The following KSR2 variants were observed in gnomAD, a reference collection of about 807,000 sequenced individuals.
KSR2 encodes kinase suppressor of ras 2.
KSR2 carries 25 observed loss-of-function variants against 107.8 expected under a neutral mutation model. The ratio of observed to expected loss-of-function variants is 0.23; its 90% CI spans 0.17 to 0.32. The LOEUF (loss-of-function observed/expected upper bound fraction) is 0.32, where lower values mean the gene tolerates loss of function less well. Ranked by LOEUF, KSR2 falls within the 10% of genes least tolerant of loss-of-function variation. KSR2 has a pLI of 1.00. For missense variants in KSR2, 887 were observed against 1,268.9 expected (o/e 0.70, Z 4.57); for synonymous variants, 480 against 507.0 (o/e 0.95, Z 0.71).
intron 5 of KSR2, among the ~76,000 whole-genome samples, chr12:117,584,270 G>A (rs1879861848): frequency 6.6e-6 from 1 of 151,838 alleles, no homozygotes; most frequent in Non-Finnish European, 1.5e-5. Context: ...GAAAAGACAA[G>A]AGAAAAAAAA....
rs1555262350 is a variant in KSR2, at chr12:117,968,309, G to GGGC, written c.-55_-54insGCC. On this transcript the variant is annotated 5_prime_UTR_variant, in exon 1 of 20. Transcript: ENST00000339824. ...TCCTCCTCCCAGAGAGAAAAAAGAGGGGGGGGAGTAGAGGTAGTCTACCCT... is the reference window on the plus strand; with the variant it reads ...TCCTCCTCCCAGAGAGAAAAAAGAGGGGCGGGGGGAGTAGAGGTAGTCTACCCT... 1.4e-6 allele frequency: 2 copies of GGGC among 1,456,090 alleles called. No individual in the cohort carries two copies. Among genetic ancestry groups the GGGC allele is most frequent in the Non-Finnish European group, 1.8e-6 (2 of 1,111,476 alleles). The allele number at this position is 1,456,090 out of a possible 1,614,324, so 90.2% of individuals were successfully genotyped here.
intron 5 of KSR2, among the ~76,000 whole-genome samples, chr12:117,631,545 C>T (rs1438900725): frequency 1.3e-5 from 2 of 152,090 alleles, no homozygotes; most frequent in East Asian, 3.8e-4. Flanking sequence ...ACAATCTTGA[C>T]TTTTATCTAC....
chr12:117,748,648 A>C (rs1022573537), intron 4 of KSR2, among the ~76,000 whole-genome samples: 6 of 152,206 alleles, frequency 3.9e-5, no homozygotes, highest in African/African-American at 1.4e-4. Context: ...AGCCTTCCAT[A>C]AGTGACAGCT....
intron 9 of KSR2, among the ~76,000 whole-genome samples, chr12:117,543,893 T>C (rs185601455): frequency 6.6e-6 from 1 of 152,352 alleles, no homozygotes; most frequent in Non-Finnish European, 1.5e-5. Flanking sequence ...TTGTCATTAC[T>C]TAGATTGCAG....
At chr12:117,803,002 A>G (rs1890886818) in intron 3 of KSR2, among the ~76,000 whole-genome samples, 1 of 152,250 alleles carries the variant, frequency 6.6e-6, no homozygotes, top group Non-Finnish European at 1.5e-5. Flanking sequence ...TTGCCCATGC[A>G]TTGTCATTAC....
chr12:117,739,602 A>G (rs898117224), intron 4 of KSR2, among the ~76,000 whole-genome samples: 2 of 152,206 alleles, frequency 1.3e-5, no homozygotes, highest in Non-Finnish European at 2.9e-5. Context: ...CACTAGCAAC[A>G]TTCATTCATT....
At chr12:117,750,124 C>A (rs1888560743) in intron 4 of KSR2, among the ~76,000 whole-genome samples, 1 of 152,030 alleles carries the variant, frequency 6.6e-6, no homozygotes, top group Admixed American at 6.5e-5. Context: ...GTGGCATGCA[C>A]CTGTAATCTC....
chr12:117,828,394 C>T (rs568356775), intron 3 of KSR2, among the ~76,000 whole-genome samples: 6 of 152,336 alleles, frequency 3.9e-5, no homozygotes, highest in South Asian at 4.1e-4. Context: ...TCCTTTGCAA[C>T]GTGCTATCCT....
At chr12:117,853,170 G>A (rs1251041667) in intron 3 of KSR2, among the ~76,000 whole-genome samples, 3 of 152,102 alleles carry the variant, frequency 2.0e-5, no homozygotes, top group African/African-American at 4.8e-5. Flanking sequence ...TAGCCACGGG[G>A]GTCCCCAAAG....
intron 5 of KSR2, among the ~76,000 whole-genome samples, chr12:117,637,360 C>T (rs1489880643): frequency 6.6e-6 from 1 of 151,178 alleles, no homozygotes; most frequent in Non-Finnish European, 1.5e-5. Flanking sequence ...GGGAAGAGTG[C>T]TACCAGCCTG....
At chr12:117,812,657 T>C (rs1408719289) in intron 3 of KSR2, among the ~76,000 whole-genome samples, 3 of 151,844 alleles carry the variant, frequency 2.0e-5, no homozygotes, top group East Asian at 3.9e-4. Context: ...GAAGAAGACA[T>C]GAGAAAAATG....
intron 1 of KSR2, among the ~76,000 whole-genome samples, chr12:117,890,201 T>C (rs78677094): frequency 0.012 from 1,772 of 152,352 alleles, 31 homozygotes; most frequent in African/African-American, 0.039. Context: ...CTGTTCTTCC[T>C]ATCTTATGTC....
intron 4 of KSR2, among the ~76,000 whole-genome samples, chr12:117,701,273 A>T (rs569075693): frequency 6.6e-6 from 1 of 152,214 alleles, no homozygotes; most frequent in East Asian, 1.9e-4. Context: ...TTGTATTTTT[A>T]GTAGAGACAG....
intron 1 of KSR2, among the ~76,000 whole-genome samples, chr12:117,955,976 C>G (rs961479391): frequency 1.3e-5 from 2 of 151,750 alleles, no homozygotes; most frequent in Admixed American, 6.6e-5. Context: ...GCCAGCCAGG[C>G]GCAGTGGTTC....
Position 117,694,988 on chromosome 12 carries a change from C to T in KSR2, c.987-27330G>A, listed in dbSNP as rs376492884. Among the ~76,000 whole-genome samples, 180 of 151,554 alleles carry T rather than the reference C, an allele frequency of 1.2e-3. 1 individual carries two copies. Among genetic ancestry groups the T allele is most frequent in the African/African-American group, 4.1e-3 (168 of 41,336 alleles). On this transcript the variant is annotated intron_variant, in intron 4 of 19. Transcript: ENST00000339824. ...GCCTCAGCCTCCCGAGTAGCTGGGACGACAGGTGCACGCCACCACACCCAG... is the reference window on the plus strand; with the variant it reads ...GCCTCAGCCTCCCGAGTAGCTGGGATGACAGGTGCACGCCACCACACCCAG...
At chr12:117,674,570 T>A (rs575418889) in intron 4 of KSR2, among the ~76,000 whole-genome samples, 1 of 152,276 alleles carries the variant, frequency 6.6e-6, no homozygotes, top group East Asian at 1.9e-4. Context: ...GATTTGCCTA[T>A]TCTGGACATT....
At chr12:117,474,560 C>G (rs1360263137) in intron 17 of KSR2, among the ~76,000 whole-genome samples, 2 of 152,088 alleles carry the variant, frequency 1.3e-5, no homozygotes, top group African/African-American at 4.8e-5. Context: ...AGTGTTATCT[C>G]CCCCAGCCCT....
At position 117,555,232 on chromosome 12, in the gene KSR2, C is replaced by G; in HGVS notation, c.1455G>C (p.Lys485Asn). ...VPCDINNPLR[K>N]PPRYSDLHIS... Reference sequence around the variant, plus strand: ...TGTGCAGGTCTGAATAGCGAGGTGGCTTCCGTAGAGGGTTGTTGATGTCAC... The same window carrying G: ...TGTGCAGGTCTGAATAGCGAGGTGGGTTCCGTAGAGGGTTGTTGATGTCAC... The change falls in exon 9 of 20, where the codon AAG becomes AAC. Residue 485 changes from lysine to asparagine, a missense_variant. By Grantham distance (94) the Lys-to-Asn change is moderately conservative. This residue lies in a region of KSR2 where 60 missense variants were observed against 77.5 expected (regional missense o/e 0.77). Transcript: ENST00000339824. 1 of 1,613,900 alleles carries G rather than the reference C, an allele frequency of 6.2e-7. No homozygotes were observed. Among genetic ancestry groups the G allele is most frequent in the Non-Finnish European group, 8.5e-7 (1 of 1,179,810 alleles).
intron 1 of KSR2, among the ~76,000 whole-genome samples, chr12:117,883,472 G>A (rs906001206): frequency 6.6e-6 from 1 of 152,102 alleles, no homozygotes; most frequent in Non-Finnish European, 1.5e-5. Flanking sequence ...TGCCCCCATG[G>A]AACTTCTATT....
Sources: allele counts gnomAD v4.1 joint callset (sites outside exome capture counted in the v4.1 genomes callset), GRCh38; gene constraint gnomAD v4.1.1; regional missense constraint gnomAD v4.1.1; transcripts MANE v1.5; gene names NCBI Gene and HGNC (gene_info 2026-07-23, HGNC 2026-07-21).